NPEPPS: variants seen among roughly 807,000 people sequenced by gnomAD.
NPEPPS encodes puromycin-sensitive aminopeptidase.
A neutral mutation model predicts 115.5 loss-of-function variants in NPEPPS; 14 were observed. The observed-to-expected ratio is 0.12, with a 90% CI of 0.08 to 0.19. The LOEUF is 0.19. NPEPPS is among the 10% of genes least tolerant of loss of function. The pLI, the probability that NPEPPS is intolerant of heterozygous loss-of-function variation, is 1.00. For missense variants in NPEPPS, 523 were observed against 1,110.8 expected, an observed-to-expected ratio of 0.47 and a Z score of 7.52; for synonymous variants, 285 against 390.6, an observed-to-expected ratio of 0.73 and a Z score of 3.19.
chr17:47,616,344 T>C (rs1166157159), intron 19 of NPEPPS, among the ~76,000 whole-genome samples: 2 of 151,722 alleles, frequency 1.3e-5, no homozygotes, highest in Non-Finnish European at 2.9e-5. Context: ...GGCCAGGAGT[T>C]CAAGACCAGC....
chr17:47,560,082 C>A (rs1910331643), intron 2 of NPEPPS, among the ~76,000 whole-genome samples: 1 of 152,194 alleles, frequency 6.6e-6, no homozygotes, highest in South Asian at 2.1e-4. Flanking sequence ...TCTTGATCAC[C>A]TTATCTTGTT....
At chr17:47,620,628 CATG>C (rs755659373) in intron 22 of NPEPPS, among the ~76,000 whole-genome samples, 21 of 152,152 alleles carry the variant, frequency 1.4e-4, no homozygotes, top group Non-Finnish European at 2.8e-4. Context: ...AGAACTGAAC[CATG>C]ATTAGGAGCC....
chr17:47,614,256 A>G (rs1024320518), intron 19 of NPEPPS, among the ~76,000 whole-genome samples: 1 of 152,190 alleles, frequency 6.6e-6, no homozygotes, highest in African/African-American at 2.4e-5. Context: ...GGCATGAGCT[A>G]CTGTGCCCAG....
intron 19 of NPEPPS, among the ~76,000 whole-genome samples, chr17:47,614,493 G>C (rs1425180562): frequency 2.6e-5 from 4 of 152,188 alleles, no homozygotes; most frequent in Non-Finnish European, 5.9e-5. Context: ...TTTATTAATA[G>C]ACAGGAAATT....
chr17:47,546,475 G>C (rs1417049941), intron 2 of NPEPPS, among the ~76,000 whole-genome samples: 2 of 152,076 alleles, frequency 1.3e-5, no homozygotes, highest in African/African-American at 4.8e-5. Flanking sequence ...ATATTGAATA[G>C]TATAACCTAA....
chr17:47,592,531 A>G lies in NPEPPS; in HGVS notation c.1412A>G (p.Lys471Arg). 1 of 1,595,470 alleles carries G rather than the reference A, an allele frequency of 6.3e-7. No individual in the cohort carries two copies. Reference sequence around the variant, plus strand: ...ATGTATTTAACCAAGTTCCAACAAAAGAATGCTGCCACAGGTAATCTCTAA... The same window carrying G: ...ATGTATTTAACCAAGTTCCAACAAAGGAATGCTGCCACAGGTAATCTCTAA... Reference protein sequence around the residue: ...MNMYLTKFQQKNAATEDLWES... With the variant: ...MNMYLTKFQQRNAATEDLWES... Residue 471 changes from lysine to arginine, a missense_variant, in exon 12 of 23, where the codon AAG becomes AGG. Around this residue, in one of 4 missense-constraint regions of NPEPPS, gnomAD observed 372 missense variants for 542.6 expected, o/e 0.69. Transcript: ENST00000322157.
intron 17 of NPEPPS, among the ~76,000 whole-genome samples, chr17:47,611,512 G>A (rs1296463476): frequency 6.6e-6 from 1 of 150,922 alleles, no homozygotes; most frequent in Admixed American, 6.6e-5. Context: ...CTGGAGTACA[G>A]TAGTGTGATC....
chr17:47,622,811 G>C lies in NPEPPS; in HGVS notation c.*891G>C, dbSNP rs1016492452. On this transcript the variant is annotated 3_prime_UTR_variant, in exon 23 of 23. Coordinates refer to ENST00000322157, the MANE Select transcript of NPEPPS (RefSeq NM_006310.4). ...TCTTCAGCCAGGCCTTTCTGAAGGA[G>C]TTATTCTGCTAAAAATGGTCTTAGT... 2.2e-6 allele frequency: 1 copy of C among 453,486 alleles called. No individual in the cohort carries two copies. Among genetic ancestry groups the C allele is most frequent in the African/African-American group, 2.0e-5 (1 of 49,934 alleles). 28.1% of individuals were successfully genotyped at this position (453,486 alleles called of 1,614,324 possible).
In NPEPPS at chr17:47,622,147, T is replaced by C; in HGVS notation, c.*227T>C. ...AATAAATAAAAAATAAAAATGTAAA[T>C]ATGATAGTAATAAAATAGAGCATAA... On this transcript the variant is annotated 3_prime_UTR_variant, in exon 23 of 23. Coordinates refer to ENST00000322157, the MANE Select transcript of NPEPPS (RefSeq NM_006310.4). 3 of 1,186,228 alleles carry C rather than the reference T, an allele frequency of 2.5e-6. No homozygotes were observed. The highest frequency in any genetic ancestry group is 1.1e-6 in the Non-Finnish European group (1 of 938,280). 73.5% of individuals were successfully genotyped at this position (1,186,228 alleles called of 1,614,324 possible). A position where few individuals can be genotyped will look rare whatever the true frequency, so the allele number is the denominator to read the frequency against.
chr17:47,612,381 A>T, intron 17 of NPEPPS, 79 bp from the exon 18 acceptor site: 11 of 1,463,236 alleles, frequency 7.5e-6, no homozygotes, highest in Non-Finnish European at 1.0e-5. Flanking sequence ...GTATAGCACA[A>T]TTATAAGATA....
intron 1 of NPEPPS, among the ~76,000 whole-genome samples, chr17:47,536,608 T>C (rs1339213063): frequency 1.3e-5 from 2 of 151,688 alleles, no homozygotes; most frequent in Non-Finnish European, 2.9e-5. Flanking sequence ...TTGGTCAGGC[T>C]GGTCTCGAAC....
At chr17:47,611,545 T>A (rs1176064987) in intron 17 of NPEPPS, among the ~76,000 whole-genome samples, 1 of 151,510 alleles carries the variant, frequency 6.6e-6, no homozygotes, top group Admixed American at 6.6e-5. Context: ...AGCTTCAACC[T>A]CCTTGCAGCC....
intron 2 of NPEPPS, among the ~76,000 whole-genome samples, chr17:47,568,010 A>G (rs1389205061): frequency 6.6e-6 from 1 of 152,154 alleles, no homozygotes; most frequent in African/African-American, 2.4e-5. Flanking sequence ...TCTCTTGGAT[A>G]TATACTTAGG....
At chr17:47,545,811 T>G (rs1345511508) in intron 1 of NPEPPS, 98 bp from the exon 2 acceptor site, 4 of 1,474,054 alleles carry the variant, frequency 2.7e-6, no homozygotes, top group Non-Finnish European at 3.7e-6. Context: ...CCTCCCAAAG[T>G]GCTGGGATTA....
intron 1 of NPEPPS, among the ~76,000 whole-genome samples, chr17:47,535,513 G>T (rs1268658817): frequency 4.2e-5 from 6 of 143,606 alleles, no homozygotes; most frequent in African/African-American, 1.6e-4. Context: ...ATCGCGCCAC[G>T]CACTCCAGCC....
chr17:47,619,806 C>T, intron 22 of NPEPPS, 22 bp downstream of exon 22: 1 of 1,579,932 alleles, frequency 6.3e-7, no homozygotes, highest in Non-Finnish European at 8.7e-7. Flanking sequence ...ACTGTTTACT[C>T]TTCACTTTTC....
At chr17:47,621,120 G>C (rs1914536844) in intron 22 of NPEPPS, among the ~76,000 whole-genome samples, 1 of 146,170 alleles carries the variant, frequency 6.8e-6, no homozygotes, top group South Asian at 2.3e-4. Flanking sequence ...GGTTGAGGCT[G>C]TGATGAGCCA....
intron 2 of NPEPPS, among the ~76,000 whole-genome samples, chr17:47,548,590 C>CTTTTT (rs538733982): frequency 1.4e-4 from 15 of 104,722 alleles, no homozygotes; most frequent in African/African-American, 1.8e-4. Context: ...CTGAAAAGTT[C>CTTTTT]TTTTTTTTTT....
chr17:47,595,053 C>T (rs982785497), intron 12 of NPEPPS, among the ~76,000 whole-genome samples: 1 of 152,164 alleles, frequency 6.6e-6, no homozygotes, highest in Non-Finnish European at 1.5e-5. Flanking sequence ...GTCTCAGCCT[C>T]CCAAGTAGCT....
Sources: gnomAD v4.1 joint callset for allele counts (sites outside exome capture counted in the v4.1 genomes callset) on GRCh38, gnomAD v4.1.1 for gene constraint, gnomAD v4.1.1 regional missense constraint, MANE v1.5 for transcripts, NCBI Gene and HGNC (gene_info 2026-07-23, HGNC 2026-07-21) for gene names.